The following TBCEL variants were observed in gnomAD, a reference collection of about 807,000 sequenced individuals.
TBCEL encodes tubulin-specific chaperone cofactor E-like protein.
Under a neutral mutation model 44.2 loss-of-function variants are expected in TBCEL, and 15 were observed. That is an observed-to-expected ratio of 0.34 (90% confidence interval 0.23 to 0.52). TBCEL has a LOEUF of 0.52. Ranked by LOEUF, TBCEL falls within the 20% of genes least tolerant of loss-of-function variation. The pLI, the probability that TBCEL is intolerant of heterozygous loss-of-function variation, is 0.95. For missense variants in TBCEL, 319 were observed against 506.3 expected (o/e 0.63, Z 3.55); for synonymous variants, 171 against 185.4 (o/e 0.92, Z 0.63).
chr11:121,053,410 A>C, intron 4 of TBCEL, 141 bp from the exon 5 acceptor site: 3 of 690,404 alleles, frequency 4.3e-6, no homozygotes, highest in Non-Finnish European at 7.3e-6. Context: ...TCCCTCTGTG[A>C]GTACCGTCAC....
At chr11:121,058,235 G>T in intron 6 of TBCEL, 110 bp from the exon 7 acceptor site, 2 of 1,309,510 alleles carry the variant, frequency 1.5e-6, no homozygotes, top group Non-Finnish European at 2.1e-6. Flanking sequence ...TTTAGTTTAT[G>T]ATCATTTTAA....
In TBCEL at chr11:121,059,935, TA is replaced by T. The variant is rs775416567; in HGVS notation, c.840-28del. 2.0e-6 allele frequency: 3 copies of T among 1,467,396 alleles called. No individual in the cohort carries two copies. In the Admixed American group the frequency reaches 5.4e-5, roughly 27 times the overall value. 90.9% of individuals were successfully genotyped at this position (1,467,396 alleles called of 1,614,324 possible). Reference sequence around the variant, plus strand: ...TCTAAAGCTAAATATATTAGTATCTTAAAAAATGTCTTTATTTTGGTTTTAA... The same window carrying T: ...TCTAAAGCTAAATATATTAGTATCTTAAAAATGTCTTTATTTTGGTTTTAA... On this transcript the variant is annotated intron_variant, in intron 7 of 8. Coordinates refer to ENST00000683345, the MANE Select transcript of TBCEL (RefSeq NM_001363644.2).
intron 8 of TBCEL, among the ~76,000 whole-genome samples, chr11:121,060,677 A>G (rs1591402035): frequency 6.6e-6 from 1 of 151,952 alleles, no homozygotes; most frequent in East Asian, 1.9e-4. Context: ...GTAAATGTAA[A>G]AGGAAATGTA....
intron 5 of TBCEL, chr11:121,054,830 G>A (rs991187506): frequency 3.7e-5 from 14 of 373,586 alleles, no homozygotes; most frequent in South Asian, 1.4e-4. Flanking sequence ...AAGTAATTTC[G>A]CACTACCTTA....
chr11:121,025,388 G>GTCTAAA (rs1945027644), intron 1 of TBCEL, among the ~76,000 whole-genome samples: 1 of 151,924 alleles, frequency 6.6e-6, no homozygotes, highest in Non-Finnish European at 1.5e-5. Context: ...GATCTCTAGG[G>GTCTAAA]TGGTAGCTTT....
In TBCEL at chr11:121,089,704, C is replaced by G. The variant is rs1337200682; in HGVS notation, c.*2608C>G. On this transcript the variant is annotated 3_prime_UTR_variant, in exon 9 of 9. Coordinates refer to ENST00000683345, the MANE Select transcript of TBCEL (RefSeq NM_001363644.2). ...TTACATGTTATACCTAATTGATTGT[C>G]TGCAGCTTATCTGTATTTTAATATT... is the stretch of plus-strand genomic sequence containing the variant. 1 of 152,184 alleles carries G rather than the reference C, an allele frequency of 6.6e-6. No homozygotes were observed. The highest frequency in any genetic ancestry group is 2.4e-5 in the African/African-American group (1 of 41,436). The allele number at this position is 152,184 out of a possible 1,614,324, so 9.4% of individuals were successfully genotyped here. A position where few individuals can be genotyped will look rare whatever the true frequency, so the allele number is the denominator to read the frequency against.
At chr11:121,051,231 G>A (rs144718039) in intron 4 of TBCEL, among the ~76,000 whole-genome samples, 678 of 151,840 alleles carry the variant, frequency 4.5e-3, no homozygotes, top group African/African-American at 0.016. Context: ...TGCTGATGCA[G>A]ACCATGGTGA....
At chr11:121,075,614 T>A (rs1207999592) in intron 8 of TBCEL, among the ~76,000 whole-genome samples, 2 of 151,986 alleles carry the variant, frequency 1.3e-5, no homozygotes, top group Admixed American at 6.6e-5. Flanking sequence ...AGTGCATGAA[T>A]ACAGTATGTC....
At chr11:121,085,088 G>C (rs1027321243) in intron 8 of TBCEL, among the ~76,000 whole-genome samples, 1 of 151,648 alleles carries the variant, frequency 6.6e-6, no homozygotes, top group African/African-American at 2.4e-5. Flanking sequence ...ACCCAGGCTG[G>C]AGTGCAGTGG....
chr11:121,051,126 G>A (rs1489677773), intron 4 of TBCEL, among the ~76,000 whole-genome samples: 1 of 151,438 alleles, frequency 6.6e-6, no homozygotes, highest in Non-Finnish European at 1.5e-5. Flanking sequence ...TATTTTTCCT[G>A]CTTGAATGAT....
chr11:121,048,455 T>C (rs1945472276), intron 4 of TBCEL, among the ~76,000 whole-genome samples: 1 of 151,912 alleles, frequency 6.6e-6, no homozygotes, highest in Admixed American at 6.6e-5. Flanking sequence ...CATTACCTGA[T>C]AGGAGCTACC....
In TBCEL at chr11:121,087,756, C is replaced by G. The variant is rs1273796848; in HGVS notation, c.*660C>G. 1 of 152,184 alleles carries G rather than the reference C, an allele frequency of 6.6e-6. No homozygotes were observed. Among genetic ancestry groups the G allele is most frequent in the African/African-American group, 2.4e-5 (1 of 41,436 alleles). 9.4% of individuals were successfully genotyped at this position (152,184 alleles called of 1,614,324 possible). A position where few individuals can be genotyped will look rare whatever the true frequency, so the allele number is the denominator to read the frequency against. On this transcript the variant is annotated 3_prime_UTR_variant, in exon 9 of 9. Coordinates refer to ENST00000683345, the MANE Select transcript of TBCEL (RefSeq NM_001363644.2). ...AGGTACGCAGTAAGAAGCTATAACT[C>G]TGTTAGAACCTCGAAGAGTAGATGT...
intron 1 of TBCEL, among the ~76,000 whole-genome samples, chr11:121,025,382 T>G (rs1945027417): frequency 6.6e-6 from 1 of 151,894 alleles, no homozygotes; most frequent in African/African-American, 2.4e-5. Context: ...GACCCAGATC[T>G]CTAGGGTGGT....
chr11:121,082,876 A>T (rs1320233589), intron 8 of TBCEL, among the ~76,000 whole-genome samples: 1 of 152,200 alleles, frequency 6.6e-6, no homozygotes, highest in East Asian at 1.9e-4. Flanking sequence ...TGCTGATCAC[A>T]CCACTTTAGC....
rs1483908269 is a variant in TBCEL, at chr11:121,089,984, A to C, written c.*2888A>C. The stretch of plus-strand genomic sequence containing the variant: ...CCAATTTTTGAATTTGAATTGTTGA[A>C]ATATCCTAGATTGCTTTAATGGAAA... On this transcript the variant is annotated 3_prime_UTR_variant, in exon 9 of 9. Coordinates refer to ENST00000683345, the MANE Select transcript of TBCEL (RefSeq NM_001363644.2). The C allele has an allele frequency of 6.6e-6, 1 of 152,206 alleles. No individual in the cohort carries two copies. Among genetic ancestry groups the C allele is most frequent in the Non-Finnish European group, 1.5e-5 (1 of 68,028 alleles). The allele number at this position is 152,206 out of a possible 1,614,324, so 9.4% of individuals were successfully genotyped here. A position where few individuals can be genotyped will look rare whatever the true frequency, so the allele number is the denominator to read the frequency against.
rs1314308406 is a variant in TBCEL at position 121,090,208 on chromosome 11, A to C, written c.*3112A>C. The C allele has an allele frequency of 6.6e-6, 1 of 152,130 alleles. No homozygotes were observed. Among genetic ancestry groups the C allele is most frequent in the Non-Finnish European group, 1.5e-5 (1 of 67,994 alleles). The allele number at this position is 152,130 out of a possible 1,614,324, so 9.4% of individuals were successfully genotyped here. On this transcript the variant is annotated 3_prime_UTR_variant, in exon 9 of 9. Coordinates refer to ENST00000683345, the MANE Select transcript of TBCEL (RefSeq NM_001363644.2). ...AGTGTTGTTTTTAAAGATTTTGCTT[A>C]TTTTTAAAGACAGGAAAATTCAGTT...
chr11:121,066,503 CTACTATAG>C (rs752992395), intron 8 of TBCEL, among the ~76,000 whole-genome samples: 47 of 152,194 alleles, frequency 3.1e-4, no homozygotes, highest in Non-Finnish European at 5.4e-4. Context: ...TGGCATATAT[CTACTATAG>C]TACCTGTTCC....
intron 2 of TBCEL, among the ~76,000 whole-genome samples, chr11:121,042,594 C>A (rs1030500017): frequency 2.0e-5 from 3 of 152,080 alleles, no homozygotes; most frequent in Non-Finnish European, 4.4e-5. Flanking sequence ...GAGCAAAGGG[C>A]AGCCCTCTAT....
chr11:121,077,542 C>A (rs554822161), intron 8 of TBCEL, among the ~76,000 whole-genome samples: 4 of 152,144 alleles, frequency 2.6e-5, no homozygotes, highest in African/African-American at 9.6e-5. Flanking sequence ...AGAGGTTTAT[C>A]AAATTTGCAA....
Sources: gnomAD v4.1 joint callset for allele counts (sites outside exome capture counted in the v4.1 genomes callset) on GRCh38, gnomAD v4.1.1 for gene constraint, MANE v1.5 for transcripts, NCBI Gene and HGNC (gene_info 2026-07-23, HGNC 2026-07-21) for gene names.